CDH13: variants seen among roughly 807,000 people sequenced by gnomAD.
CDH13 encodes cadherin 13.
CDH13 carries 24 observed loss-of-function variants against 63.8 expected under a neutral mutation model. That is an observed-to-expected ratio of 0.38 (90% CI 0.27 to 0.53). The LOEUF (loss-of-function observed/expected upper bound fraction) is 0.53, where lower values mean the gene tolerates loss of function less well. Among genes scored for constraint, CDH13 ranks in the 20% least tolerant of loss-of-function variants. The pLI is 0.85. For synonymous variants in CDH13, 503 were observed against 355.3 expected, an observed-to-expected ratio of 1.42 and a Z score of -4.67; for missense variants, 1,049 against 903.1, an observed-to-expected ratio of 1.16 and a Z score of -2.07.
chr16:82,667,425 T>C (rs1043541556), intron 1 of CDH13, among the ~76,000 whole-genome samples: 4 of 152,272 alleles, frequency 2.6e-5, no homozygotes, highest in African/African-American at 7.2e-5. Flanking sequence ...CAGGATGTGG[T>C]GTGGGGAGAT....
At chr16:83,200,520 G>A (rs1056569530) in intron 4 of CDH13, among the ~76,000 whole-genome samples, 5 of 151,984 alleles carry the variant, frequency 3.3e-5, no homozygotes, top group South Asian at 2.1e-4. Flanking sequence ...CTGTCTACAC[G>A]TAGCCTCTAT....
chr16:83,269,905 C>T (rs1041727634), intron 5 of CDH13, among the ~76,000 whole-genome samples: 3 of 152,126 alleles, frequency 2.0e-5, no homozygotes, highest in Admixed American at 1.3e-4. Context: ...AAATGCATTT[C>T]TATGCTAAGT....
chr16:83,402,356 A>C (rs892467162), intron 6 of CDH13, among the ~76,000 whole-genome samples: 2 of 152,062 alleles, frequency 1.3e-5, no homozygotes, highest in African/African-American at 4.8e-5. Flanking sequence ...AGAGTGATTC[A>C]CCTTCAGTAT....
chr16:83,156,886 C>G (rs927548702), intron 4 of CDH13, among the ~76,000 whole-genome samples: 4 of 152,210 alleles, frequency 2.6e-5, no homozygotes, highest in African/African-American at 9.7e-5. Context: ...GGCAGAGGCA[C>G]TCCTTCTGAC....
chr16:82,947,201 C>T (rs1351786806), intron 2 of CDH13, among the ~76,000 whole-genome samples: 1 of 152,088 alleles, frequency 6.6e-6, no homozygotes. Flanking sequence ...GGTGGTTATT[C>T]CTACTACCTG....
chr16:83,534,711 C>T (rs2075150415), intron 7 of CDH13, among the ~76,000 whole-genome samples: 1 of 152,216 alleles, frequency 6.6e-6, no homozygotes. Flanking sequence ...ATTTTGTTTG[C>T]CTATCCTTTC....
rs78291992 is a variant in CDH13 at position 83,533,029 on chromosome 16, C to T, written c.960+46374C>T. Among the ~76,000 whole-genome samples the T allele has an allele frequency of 2.3e-3, 352 of 152,292 alleles. 1 individual carries two copies. The highest frequency in any genetic ancestry group is 8.0e-3 in the African/African-American group (331 of 41,562). Reference sequence around the variant, plus strand: ...TAACTACAATTGTCAGTCTGCAGAGCATCAGGCATCTCTAAAAGGATTCCA... The same window carrying T: ...TAACTACAATTGTCAGTCTGCAGAGTATCAGGCATCTCTAAAAGGATTCCA... On this transcript the variant is annotated intron_variant, in intron 7 of 13. Transcript: ENST00000567109.
At chr16:83,661,734 G>C (rs7200830) in intron 8 of CDH13, among the ~76,000 whole-genome samples, 152,036 of 152,348 alleles carry the variant, frequency 1, 75,862 homozygotes, top group Middle Eastern at 1. Flanking sequence ...GGTGGACTGT[G>C]CCAGGTGGGC....
chr16:83,294,055 T>G (rs2089528356), intron 5 of CDH13, among the ~76,000 whole-genome samples: 2 of 152,216 alleles, frequency 1.3e-5, no homozygotes, highest in Admixed American at 1.3e-4. Flanking sequence ...AAGCCAAGGA[T>G]TATCTGACTT....
At chr16:83,652,570 G>A (rs1598417608) in intron 8 of CDH13, among the ~76,000 whole-genome samples, 1 of 151,336 alleles carries the variant, frequency 6.6e-6, no homozygotes, top group East Asian at 1.9e-4. Flanking sequence ...GGCTCTCATT[G>A]TACCCCCTCT....
chr16:82,827,798 G>C (rs959264815), intron 1 of CDH13, among the ~76,000 whole-genome samples: 1 of 152,164 alleles, frequency 6.6e-6, no homozygotes, highest in Non-Finnish European at 1.5e-5. Context: ...TAATGGTAAA[G>C]GGAAAATAGT....
chr16:83,166,336 T>C (rs2037667756), intron 4 of CDH13, among the ~76,000 whole-genome samples: 3 of 152,056 alleles, frequency 2.0e-5, no homozygotes, highest in Admixed American at 2.0e-4. Context: ...GGAAGGGGCT[T>C]AAGCAGAAAT....
At chr16:82,828,244 C>G (rs893596655) in intron 1 of CDH13, among the ~76,000 whole-genome samples, 35 of 152,206 alleles carry the variant, frequency 2.3e-4, no homozygotes, top group African/African-American at 8.2e-4. Flanking sequence ...GCCATGAAGA[C>G]TCTTTACGTC....
chr16:82,943,698 A>T (rs1304028438), intron 2 of CDH13, among the ~76,000 whole-genome samples: 1 of 152,214 alleles, frequency 6.6e-6, no homozygotes, highest in African/African-American at 2.4e-5. Context: ...AAAGAAATAT[A>T]ACCTGGCCTT....
At position 83,783,464 on chromosome 16, in the gene CDH13, G is replaced by A. The variant is rs186329336; in HGVS notation, c.2126G>A (p.Ser709Asn). 3 of 1,613,286 alleles carry A rather than the reference G, an allele frequency of 1.9e-6. No individual in the cohort carries two copies. Among genetic ancestry groups the A allele is most frequent in the African/African-American group, 2.7e-5 (2 of 74,908 alleles). ...LPSVLLLSLF[S>N]LACL Reference sequence around the variant, plus strand: ...TCAGTCCTGCTCCTCAGCCTCTTCAGCTTAGCTTGTAAGTTGACCTAACTC... The same window carrying A: ...TCAGTCCTGCTCCTCAGCCTCTTCAACTTAGCTTGTAAGTTGACCTAACTC... The change falls in exon 13 of 14, where the codon AGC (serine) becomes AAC (asparagine). Residue 709 changes from serine (S) to asparagine (N), a missense_variant. Transcript: ENST00000567109.
At position 83,743,767 on chromosome 16, in the gene CDH13, TC is replaced by T. The variant is rs68051717; in HGVS notation, c.1539-4340del. On this transcript the variant is annotated intron_variant, in intron 10 of 13. Transcript: ENST00000567109. Reference sequence around the variant, plus strand: ...TTTTTTCTTTTTTTTTTTTTTTTTTTCTTTGCTTTTTCCATCCCCATGATTG... The same window carrying T: ...TTTTTTCTTTTTTTTTTTTTTTTTTTTTTGCTTTTTCCATCCCCATGATTG... Among the ~76,000 whole-genome samples, 23 of 138,052 alleles carry T rather than the reference TC, an allele frequency of 1.7e-4. 2 individuals carry two copies. The highest frequency in any genetic ancestry group is 5.1e-4 in the Admixed American group (7 of 13,604). The allele number at this position is 138,052 out of a possible 152,430, so 90.6% of individuals were successfully genotyped here. A position where few individuals can be genotyped will look rare whatever the true frequency, so the allele number is the denominator to read the frequency against.
At chr16:83,235,156 G>C (rs1225501520) in intron 5 of CDH13, among the ~76,000 whole-genome samples, 2 of 152,180 alleles carry the variant, frequency 1.3e-5, no homozygotes, top group African/African-American at 4.8e-5. Context: ...GGTGAACTAT[G>C]ATTACATAAC....
intron 1 of CDH13, among the ~76,000 whole-genome samples, chr16:82,696,941 C>T (rs776513048): frequency 6.4e-4 from 98 of 152,222 alleles, no homozygotes; most frequent in Middle Eastern, 3.4e-3. Flanking sequence ...GGCCTCAGTT[C>T]CTTACCACAA....
intron 4 of CDH13, among the ~76,000 whole-genome samples, chr16:83,154,515 C>T (rs1291704099): frequency 6.7e-6 from 1 of 149,222 alleles, no homozygotes; most frequent in Non-Finnish European, 1.5e-5. Flanking sequence ...TGCAGTGAGC[C>T]AAGATCGCAC....
Sources: allele counts gnomAD v4.1 joint callset (sites outside exome capture counted in the v4.1 genomes callset), GRCh38; gene constraint gnomAD v4.1.1; transcripts MANE v1.5; gene names NCBI Gene and HGNC (gene_info 2026-07-23, HGNC 2026-07-21).